The following PCDH15 variants were observed in gnomAD, a reference collection of about 807,000 sequenced individuals.
The protein encoded by PCDH15 is protocadherin related 15.
A neutral mutation model predicts 178.5 loss-of-function variants in PCDH15; 129 were observed. That is an observed-to-expected ratio of 0.72 (90% CI 0.63 to 0.84). The LOEUF (loss-of-function observed/expected upper bound fraction) is 0.84, where lower values mean the gene tolerates loss of function less well. PCDH15 is among the 40% of genes least tolerant of loss of function. The pLI is 0.00. For missense variants in PCDH15, 2,230 were observed against 2,099.9 expected, an observed-to-expected ratio of 1.06 and a Z score of -1.21; for synonymous variants, 800 against 732.0, an observed-to-expected ratio of 1.09 and a Z score of -1.50.
At chr10:53,873,778 G>A (rs1261635337) in intron 26 of PCDH15, among the ~76,000 whole-genome samples, 1 of 152,208 alleles carries the variant, frequency 6.6e-6, no homozygotes, top group Non-Finnish European at 1.5e-5. Context: ...TCAATGTGAT[G>A]TCATTTGAAG....
chr10:54,546,434 A>G (rs1264083313), intron 2 of PCDH15, among the ~76,000 whole-genome samples: 1 of 152,078 alleles, frequency 6.6e-6, no homozygotes, highest in Admixed American at 6.6e-5. Flanking sequence ...AAACATTATT[A>G]TTGTTATTAG....
chr10:55,533,224 C>T (rs551395727), intron 2 of PCDH15, among the ~76,000 whole-genome samples: 24 of 152,114 alleles, frequency 1.6e-4, no homozygotes, highest in Middle Eastern at 3.4e-3. Flanking sequence ...AATTCCTGCC[C>T]AGAGCAATCA....
intron 2 of PCDH15, among the ~76,000 whole-genome samples, chr10:55,016,771 G>C (rs1457008181): frequency 1.3e-5 from 2 of 152,114 alleles, no homozygotes. Flanking sequence ...CTAGCAGTGG[G>C]ATTGCTGGAT....
intron 2 of PCDH15, among the ~76,000 whole-genome samples, chr10:55,367,043 G>T (rs1482421377): frequency 6.6e-6 from 1 of 151,878 alleles, no homozygotes; most frequent in Admixed American, 6.6e-5. Flanking sequence ...CATTCTCTGG[G>T]ATTATGGGAT....
At chr10:55,341,788 TATATATATATATATA>T (rs1844579806) in intron 2 of PCDH15, among the ~76,000 whole-genome samples, 1 of 12,228 alleles carries the variant, frequency 8.2e-5, no homozygotes, top group Non-Finnish European at 1.8e-4. Flanking sequence ...TATATATATA[TATATATATATATATA>T]TATTTTTTTT....
intron 3 of PCDH15, among the ~76,000 whole-genome samples, chr10:54,452,985 C>T (rs887568764): frequency 1.3e-5 from 2 of 152,132 alleles, no homozygotes; most frequent in Middle Eastern, 3.4e-3. Context: ...AAGATGAGGT[C>T]GTACTGGAGT....
chr10:54,895,542 C>G (rs1954530894), intron 3 of PCDH15, among the ~76,000 whole-genome samples: 1 of 152,180 alleles, frequency 6.6e-6, no homozygotes, highest in East Asian at 1.9e-4. Flanking sequence ...GATTTTGCCC[C>G]CTTTGCACTG....
intron 3 of PCDH15, among the ~76,000 whole-genome samples, chr10:54,881,502 G>A (rs536425141): frequency 6.6e-6 from 1 of 152,152 alleles, no homozygotes; most frequent in East Asian, 1.9e-4. Flanking sequence ...ATAGCATGAA[G>A]TTCCTCACTC....
chr10:55,288,177 G>A (rs1042167290), intron 1 of PCDH15, among the ~76,000 whole-genome samples: 2 of 149,554 alleles, frequency 1.3e-5, no homozygotes, highest in South Asian at 4.2e-4. Flanking sequence ...CATATGCCCA[G>A]GTATAGAGTA....
At chr10:55,441,865 C>A (rs1442117323) in intron 2 of PCDH15, among the ~76,000 whole-genome samples, 2 of 152,090 alleles carry the variant, frequency 1.3e-5, no homozygotes, top group African/African-American at 4.8e-5. Flanking sequence ...CATGGCATCA[C>A]AAGTGTTCTT....
chr10:54,636,302 C>T (rs904321625), intron 2 of PCDH15, among the ~76,000 whole-genome samples: 5 of 151,754 alleles, frequency 3.3e-5, no homozygotes, highest in African/African-American at 1.2e-4. Context: ...TAGAGTATTA[C>T]CAACTATATT....
intron 1 of PCDH15, among the ~76,000 whole-genome samples, chr10:55,236,574 A>G (rs1313503765): frequency 6.6e-6 from 1 of 152,104 alleles, no homozygotes; most frequent in African/African-American, 2.4e-5. Flanking sequence ...CTAATCAAAT[A>G]AAATATCATA....
At chr10:54,135,514 C>A (rs570534680) in intron 14 of PCDH15, among the ~76,000 whole-genome samples, 1 of 152,254 alleles carries the variant, frequency 6.6e-6, no homozygotes, top group South Asian at 2.1e-4. Flanking sequence ...ACAAAAGAAT[C>A]GTCATTCTGA....
rs183996188 is a variant in PCDH15 at position 54,771,636 on chromosome 10, G to T, written c.-29+29289C>A. On this transcript the variant is annotated intron_variant, in intron 1 of 37. Coordinates refer to ENST00000644397, the MANE Select transcript of PCDH15 (RefSeq NM_001384140.1). ...TTCCTCAAACTCCAAAGGGATTAGA[G>T]TTTAACAAAATTGCCAATCCAAAAA... Among the ~76,000 whole-genome samples, 955 of 152,110 alleles carry T rather than the reference G, an allele frequency of 6.3e-3. 7 individuals are homozygous for T. Among genetic ancestry groups the T allele is most frequent in the Non-Finnish European group, 9.3e-3 (629 of 67,962 alleles).
chr10:54,856,643 T>C (rs556497780), intron 3 of PCDH15, among the ~76,000 whole-genome samples: 36 of 152,342 alleles, frequency 2.4e-4, no homozygotes, highest in Admixed American at 9.2e-4. Flanking sequence ...TCACTCACCC[T>C]GGCTTGTTAA....
chr10:55,057,102 T>G (rs542212597), intron 2 of PCDH15, among the ~76,000 whole-genome samples: 1 of 152,290 alleles, frequency 6.6e-6, no homozygotes, highest in Non-Finnish European at 1.5e-5. Context: ...AAATAGATTT[T>G]ATATTGTCGG....
At chr10:55,020,006 T>TTTC in intron 2 of PCDH15, among the ~76,000 whole-genome samples, 1 of 151,758 alleles carries the variant, frequency 6.6e-6, no homozygotes, top group Non-Finnish European at 1.5e-5. Flanking sequence ...AGCTATGTCA[T>TTTC]TTTTGGAAAT....
At chr10:54,671,511 G>A (rs1052446714) in intron 1 of PCDH15, among the ~76,000 whole-genome samples, 2 of 152,034 alleles carry the variant, frequency 1.3e-5, no homozygotes, top group Admixed American at 6.6e-5. Context: ...GCTTTTGGAG[G>A]GCTATATAAG....
intron 14 of PCDH15, among the ~76,000 whole-genome samples, chr10:54,138,574 G>A (rs935028970): frequency 1.6e-4 from 24 of 152,294 alleles, no homozygotes; most frequent in Middle Eastern, 3.4e-3. Flanking sequence ...GCATGACAGA[G>A]TTCCATGTAT....
Sources: allele counts gnomAD v4.1 joint callset (sites outside exome capture counted in the v4.1 genomes callset), GRCh38; gene constraint gnomAD v4.1.1; transcripts MANE v1.5; gene names NCBI Gene and HGNC (gene_info 2026-07-23, HGNC 2026-07-21).